Variants in STYXL1 observed in about 807,000 individuals in gnomAD.
The protein encoded by STYXL1 is serine/threonine/tyrosine interacting like 1.
Under a neutral mutation model 36.4 loss-of-function variants are expected in STYXL1, and 32 were observed. The observed-to-expected ratio is 0.88, with a 90% CI of 0.66 to 1.18. The LOEUF is 1.18. STYXL1 is among the 50% of genes most tolerant of loss of function. The probability of loss-of-function intolerance (pLI) is 0.00; values close to 1 mark genes in which losing one functional copy is unlikely to be tolerated. For missense variants in STYXL1, 354 were observed against 394.1 expected (o/e 0.90, Z 0.86); for synonymous variants, 133 against 144.1 (o/e 0.92, Z 0.55).
chr7:76,005,448 G>C (rs1248470749), intron 5 of STYXL1, 44 bp from the exon 6 acceptor site: 2 of 1,542,314 alleles, frequency 1.3e-6, no homozygotes, highest in Non-Finnish European at 1.8e-6. Context: ...ATATTCCTCA[G>C]GGAAGAGGGA....
chr7:76,017,277 C>A lies in STYXL1; in HGVS notation c.308-3390G>T, dbSNP rs554968799. Among the ~76,000 whole-genome samples the A allele has an allele frequency of 1.4e-4, 22 of 152,148 alleles. No individual in the cohort carries two copies. In the South Asian group the frequency reaches 3.9e-3, roughly 27 times the overall value. On this transcript the variant is annotated intron_variant, in intron 4 of 8. Transcript: ENST00000359697. The stretch of plus-strand genomic sequence containing the variant: ...ACCTCAAGTGATCCACCCGCCTTGG[C>A]CCCCCAAAGTGCTAGGATTACAGGC...
chr7:76,005,214 T>TA (rs1563466337), intron 6 of STYXL1, 45 bp downstream of exon 6: 1 of 1,123,864 alleles, frequency 8.9e-7, no homozygotes, highest in African/African-American at 1.6e-5. Context: ...AAATATTATA[T>TA]AAAAAATAAA....
At chr7:76,016,146 A>G (rs1427805575) in intron 4 of STYXL1, among the ~76,000 whole-genome samples, 1 of 152,068 alleles carries the variant, frequency 6.6e-6, no homozygotes, top group African/African-American at 2.4e-5. Flanking sequence ...ACATATGTAC[A>G]TGTATAGATA....
rs200707441 is a variant in STYXL1, at chr7:76,005,285, G to A, written c.573C>T (p.Val191=). The change falls in exon 6 of 9, where the codon GTC becomes GTT. Residue 191 remains valine (V), a synonymous_variant. Transcript: ENST00000359697. ...IQKDLKIKAH[V]NVSMDTGPFF... The stretch of plus-strand genomic sequence containing the variant: ...AGGGCCCTGTATCCATGGAGACATT[G>A]ACATGGGCTTTGATTTTCAAGTCCT... 184 of 1,610,196 alleles carry A rather than the reference G, an allele frequency of 1.1e-4. No homozygotes were observed. Among genetic ancestry groups the A allele is most frequent in the Non-Finnish European group, 1.4e-5 (17 of 1,177,196 alleles).
At position 75,999,258 on chromosome 7, in the gene STYXL1, A is replaced by G. The variant is rs191044551; in HGVS notation, c.810+1632T>C. The G allele has an allele frequency of 1.9e-4, 29 of 154,248 alleles. No individual in the cohort carries two copies. The South Asian group carries it at 4.1e-3, about 22-fold the overall frequency. The allele number at this position is 154,248 out of a possible 1,614,324, so 9.6% of individuals were successfully genotyped here. A position where few individuals can be genotyped will look rare whatever the true frequency, so the allele number is the denominator to read the frequency against. On this transcript the variant is annotated intron_variant, in intron 8 of 8. Coordinates refer to ENST00000359697, the MANE Select transcript of STYXL1 (RefSeq NM_001317785.2). Reference sequence around the variant, plus strand: ...GTGAATTCCACACATATAATGGAATATTATTCAGCCTTAAAAGGAAGGAAC... The same window carrying G: ...GTGAATTCCACACATATAATGGAATGTTATTCAGCCTTAAAAGGAAGGAAC...
Position 76,021,970 on chromosome 7 carries a change from G to A in STYXL1, c.188C>T (p.Pro63Leu), listed in dbSNP as rs782593210. ...CACACACTCCAGGTCCACAGACTCC[G>A]GGAGAAGATATTCATTATTTTTCTT... ...VKKKNNEYLL[P>L]ESVDLECVKY... Residue 63 changes from proline to leucine, a missense_variant, in exon 4 of 9, where the codon CCG becomes CTG. Coordinates refer to ENST00000359697, the MANE Select transcript of STYXL1 (RefSeq NM_001317785.2). 134 of 1,608,050 alleles carry A rather than the reference G, an allele frequency of 8.3e-5. 1 individual carries two copies. The East Asian group carries it at 1.5e-3, about 18-fold the overall frequency.
At chr7:76,005,117 T>C (rs1554569676) in intron 6 of STYXL1, 142 bp downstream of exon 6, 1 of 355,528 alleles carries the variant, frequency 2.8e-6, no homozygotes, top group Non-Finnish European at 4.2e-6. Flanking sequence ...TGTATACATA[T>C]GTAACAAACC....
chr7:76,026,064 C>T (rs1246520197), intron 3 of STYXL1, among the ~76,000 whole-genome samples: 1 of 146,496 alleles, frequency 6.8e-6, no homozygotes, highest in Admixed American at 6.8e-5. Flanking sequence ...TGGTGGCGGG[C>T]GCCTATAGTC....
intron 4 of STYXL1, among the ~76,000 whole-genome samples, chr7:76,016,179 T>G (rs1464270927): frequency 6.6e-6 from 1 of 151,988 alleles, no homozygotes; most frequent in Non-Finnish European, 1.5e-5. Flanking sequence ...TATGTACATT[T>G]ATAGATATAT....
chr7:76,029,155 CAAATTTGAAGT>C (rs1795054593), intron 2 of STYXL1, among the ~76,000 whole-genome samples: 1 of 151,924 alleles, frequency 6.6e-6, no homozygotes, highest in East Asian at 1.9e-4. Flanking sequence ...AGGAAGAAAT[CAAATTTGAAGT>C]GAGCTCACAC....
rs1797335177 is a variant in STYXL1, at chr7:76,047,766, C to T, written c.-109G>A. The T allele has an allele frequency of 5.1e-6, 2 of 390,502 alleles. No homozygotes were observed. Among genetic ancestry groups the T allele is most frequent in the East Asian group, 2.2e-4 (2 of 9,152 alleles). 24.2% of individuals were successfully genotyped at this position (390,502 alleles called of 1,614,324 possible). A position where few individuals can be genotyped will look rare whatever the true frequency, so the allele number is the denominator to read the frequency against. On this transcript the variant is annotated 5_prime_UTR_variant, in exon 1 of 9. Transcript: ENST00000359697. ...GACGCGCTCCACCTCCCCGGCTGCGCGACTATGGCCAGGCTCCCTGTCGGA... is the reference window on the plus strand; with the variant it reads ...GACGCGCTCCACCTCCCCGGCTGCGTGACTATGGCCAGGCTCCCTGTCGGA...
intron 5 of STYXL1, among the ~76,000 whole-genome samples, chr7:76,008,789 T>C (rs2115633707): frequency 6.6e-6 from 1 of 152,226 alleles, no homozygotes; most frequent in Admixed American, 6.6e-5. Context: ...GTGGATCACC[T>C]GAGGTCAGGA....
intron 5 of STYXL1, among the ~76,000 whole-genome samples, chr7:76,008,783 A>T (rs554696891): frequency 1.3e-5 from 2 of 152,268 alleles, no homozygotes; most frequent in African/African-American, 2.4e-5. Context: ...AGGCAGGTGG[A>T]TCACCTGAGG....
intron 8 of STYXL1, 52 bp downstream of exon 8, chr7:76,000,838 C>G (rs1374235695): frequency 6.5e-7 from 1 of 1,545,480 alleles, no homozygotes; most frequent in African/African-American, 1.4e-5. Flanking sequence ...GCGCTCTGAC[C>G]TCACCTCCCA....
intron 3 of STYXL1, among the ~76,000 whole-genome samples, chr7:76,024,483 G>T (rs1554577137): frequency 6.6e-6 from 1 of 152,058 alleles, no homozygotes; most frequent in African/African-American, 2.4e-5. Context: ...TGGGTGTGGT[G>T]GTGCACACCT....
At chr7:76,024,648 C>CA (rs781809122) in intron 3 of STYXL1, among the ~76,000 whole-genome samples, 5 of 95,084 alleles carry the variant, frequency 5.3e-5, no homozygotes, top group African/African-American at 1.2e-4. Context: ...AAAAACAAAA[C>CA]AAAAAAAAGC....
At chr7:75,998,604 G>A (rs1273675296) in intron 8 of STYXL1, 1 of 152,038 alleles carries the variant, frequency 6.6e-6, no homozygotes, top group Non-Finnish European at 1.5e-5. Context: ...GGCCTGTCAA[G>A]GAATTTTTGA....
intron 7 of STYXL1, 38 bp downstream of exon 7, chr7:76,003,720 A>G (rs1554568817): frequency 6.3e-7 from 1 of 1,584,922 alleles, no homozygotes; most frequent in Non-Finnish European, 8.7e-7. Context: ...CTTCCCAGAC[A>G]CAGGCCAGTT....
chr7:75,999,163 CA>C (rs1790492008), intron 8 of STYXL1: 1 of 149,600 alleles, frequency 6.7e-6, no homozygotes, highest in African/African-American at 2.4e-5. Flanking sequence ...AATAAAATAA[CA>C]ATAATAAATT....
Sources: allele counts gnomAD v4.1 joint callset (sites outside exome capture counted in the v4.1 genomes callset), GRCh38; gene constraint gnomAD v4.1.1; transcripts MANE v1.5; gene names NCBI Gene and HGNC (gene_info 2026-07-23, HGNC 2026-07-21).